The following CCDC171 variants were observed in gnomAD, a reference collection of about 807,000 sequenced individuals.
CCDC171 encodes coiled-coil domain containing 171.
A neutral mutation model predicts 168.2 loss-of-function variants in CCDC171; 177 were observed. The observed-to-expected ratio is 1.05, with a 90% CI of 0.93 to 1.19. CCDC171 has a LOEUF of 1.19. CCDC171 is among the 50% of genes most tolerant of loss of function. The pLI is 0.00. For synonymous variants in CCDC171, 687 were observed against 540.8 expected, an observed-to-expected ratio of 1.27 and a Z score of -3.75; for missense variants, 1,991 against 1,539.0, an observed-to-expected ratio of 1.29 and a Z score of -4.91.
intron 1 of CCDC171, among the ~76,000 whole-genome samples, chr9:15,556,345 C>T (rs887395313): frequency 2.0e-5 from 3 of 152,162 alleles, no homozygotes; most frequent in Non-Finnish European, 4.4e-5. Flanking sequence ...AACTAGTTTA[C>T]AGTCCCACCA....
At chr9:15,756,175 ACT>A (rs1418963516) in intron 18 of CCDC171, among the ~76,000 whole-genome samples, 1 of 152,052 alleles carries the variant, frequency 6.6e-6, no homozygotes, top group African/African-American at 2.4e-5. Flanking sequence ...TAATCAACAA[ACT>A]CAACATAGAG....
chr9:15,670,251 T>A (rs2049018836), intron 9 of CCDC171, among the ~76,000 whole-genome samples: 1 of 152,136 alleles, frequency 6.6e-6, no homozygotes, highest in African/African-American at 2.4e-5. Context: ...CCTTTATTTA[T>A]AAAATAGTAC....
intron 25 of CCDC171, among the ~76,000 whole-genome samples, chr9:15,961,352 A>G (rs951710783): frequency 6.6e-6 from 1 of 152,206 alleles, no homozygotes; most frequent in Non-Finnish European, 1.5e-5. Flanking sequence ...AATAGTTCCC[A>G]GAGAGAGTGT....
chr9:15,977,232 C>T (rs1394050463), downstream of CCDC171, among the ~76,000 whole-genome samples: 1 of 152,106 alleles, frequency 6.6e-6, no homozygotes, highest in Non-Finnish European at 1.5e-5. Context: ...CTGAACCTCC[C>T]CCTGCATAAT....
chr9:15,714,218 A>G (rs963567960), intron 11 of CCDC171, among the ~76,000 whole-genome samples: 1 of 152,168 alleles, frequency 6.6e-6, no homozygotes, highest in African/African-American at 2.4e-5. Context: ...CAGTCTTGCC[A>G]GGAGTGTGGC....
intron 11 of CCDC171, among the ~76,000 whole-genome samples, chr9:15,697,561 T>C (rs1179930421): frequency 6.6e-6 from 1 of 152,218 alleles, no homozygotes; most frequent in Non-Finnish European, 1.5e-5. Context: ...ATTGGGTTTT[T>C]GTTACATAAG....
intron 6 of CCDC171, among the ~76,000 whole-genome samples, chr9:15,610,452 A>C (rs61552727): frequency 1.7e-5 from 2 of 115,512 alleles, no homozygotes; most frequent in Admixed American, 8.6e-5. Flanking sequence ...ACTAAAAAAA[A>C]AAAAAAAAAA....
chr9:15,600,497 G>A (rs1193166934), intron 6 of CCDC171, among the ~76,000 whole-genome samples: 1 of 152,180 alleles, frequency 6.6e-6, no homozygotes, highest in Non-Finnish European at 1.5e-5. Context: ...TCTTCTGGAA[G>A]TTTTGTCGCA....
At chr9:16,052,379 G>A (rs937056748) in intron 1 of CCDC171, among the ~76,000 whole-genome samples, 2 of 152,068 alleles carry the variant, frequency 1.3e-5, no homozygotes, top group Non-Finnish European at 2.9e-5. Context: ...TGGCTCATCC[G>A]GGCTGTTTTC....
intron 18 of CCDC171, among the ~76,000 whole-genome samples, chr9:15,777,368 A>G (rs1023949366): frequency 6.6e-6 from 1 of 152,238 alleles, no homozygotes; most frequent in African/African-American, 2.4e-5. Context: ...TGTGAATGGC[A>G]TACTGTAAAT....
At chr9:15,565,128 G>A (rs370036893) in intron 2 of CCDC171, among the ~76,000 whole-genome samples, 3 of 132,822 alleles carry the variant, frequency 2.3e-5, no homozygotes, top group Admixed American at 8.6e-5. Flanking sequence ...TTGCTCTGTC[G>A]CCCAGATTGG....
intron 3 of CCDC171, among the ~76,000 whole-genome samples, chr9:15,572,443 C>T (rs1170607295): frequency 1.3e-5 from 2 of 152,172 alleles, no homozygotes; most frequent in Non-Finnish European, 2.9e-5. Flanking sequence ...CAAGATGCGT[C>T]ATCTTGGGCT....
chr9:15,824,552 AT>A (rs1225685711), intron 21 of CCDC171, among the ~76,000 whole-genome samples: 1 of 151,992 alleles, frequency 6.6e-6, no homozygotes, highest in East Asian at 1.9e-4. Context: ...CCTGGTCTGA[AT>A]TTACAAAGCC....
Position 15,792,217 on chromosome 9 carries a change from G to A in CCDC171, c.3267+7523G>A, listed in dbSNP as rs143787510. Reference sequence around the variant, plus strand: ...CTGATTTGATCAACTGGAAGAAAGGGTATCAGTGATTGAAGATCAAATGAA... The same window carrying A: ...CTGATTTGATCAACTGGAAGAAAGGATATCAGTGATTGAAGATCAAATGAA... On this transcript the variant is annotated intron_variant, in intron 21 of 25. Transcript: ENST00000380701. Among the ~76,000 whole-genome samples, 33 of 152,302 alleles carry A rather than the reference G, an allele frequency of 2.2e-4. No individual in the cohort carries two copies. The East Asian group carries it at 6.0e-3, about 28-fold the overall frequency.
intron 7 of CCDC171, among the ~76,000 whole-genome samples, chr9:15,623,642 C>G (rs923918378): frequency 1.3e-5 from 2 of 151,796 alleles, no homozygotes; most frequent in Admixed American, 1.3e-4. Flanking sequence ...TTCTGTTTTG[C>G]CCTAGTTTAA....
chr9:15,674,715 G>A (rs535956291), intron 9 of CCDC171, among the ~76,000 whole-genome samples: 1 of 152,332 alleles, frequency 6.6e-6, no homozygotes, highest in South Asian at 2.1e-4. Flanking sequence ...TTGCACTGTG[G>A]TCTGAGAGAC....
intron 2 of CCDC171, among the ~76,000 whole-genome samples, 192 bp from the exon 3 acceptor site, chr9:15,571,432 A>C (rs550148108): frequency 6.6e-6 from 1 of 152,122 alleles, no homozygotes; most frequent in East Asian, 1.9e-4. Context: ...GTATCTATCT[A>C]TATATATATA....
intron 6 of CCDC171, among the ~76,000 whole-genome samples, chr9:15,614,471 C>T (rs1278818347): frequency 6.6e-6 from 1 of 152,100 alleles, no homozygotes; most frequent in Non-Finnish European, 1.5e-5. Context: ...TGAATAAATG[C>T]TTTTTGGATT....
chr9:16,045,783 T>C (rs773821738), intron 1 of CCDC171, among the ~76,000 whole-genome samples: 13 of 152,108 alleles, frequency 8.5e-5, no homozygotes, highest in Non-Finnish European at 7.4e-5. Context: ...AAATATTTGT[T>C]TTTGGTGACT....
Sources: gnomAD v4.1 joint callset for allele counts (sites outside exome capture counted in the v4.1 genomes callset) on GRCh38, gnomAD v4.1.1 for gene constraint, MANE v1.5 for transcripts, NCBI Gene and HGNC (gene_info 2026-07-23, HGNC 2026-07-21) for gene names.